The following PLD1 variants were observed in gnomAD, a reference collection of about 807,000 sequenced individuals.
The protein encoded by PLD1 is choline phosphatase 1.
Under a neutral mutation model 137.1 loss-of-function variants are expected in PLD1, and 112 were observed. The observed-to-expected ratio is 0.82, with a 90% confidence interval of 0.70 to 0.96. The LOEUF (loss-of-function observed/expected upper bound fraction) is 0.96, where lower values mean the gene tolerates loss of function less well. Ranked by LOEUF, PLD1 falls within the 40% of genes least tolerant of loss-of-function variation. The pLI is 0.00. For missense variants in PLD1, 1,321 were observed against 1,342.0 expected (o/e 0.98, Z 0.24); for synonymous variants, 431 against 454.7 (o/e 0.95, Z 0.66).
chr3:171,756,073 C>T (rs550064088), intron 1 of PLD1, among the ~76,000 whole-genome samples: 46 of 152,214 alleles, frequency 3.0e-4, no homozygotes, highest in Middle Eastern at 3.2e-3. Context: ...ATATCTCTCC[C>T]ATCTGACCAC....
chr3:171,646,288 G>T (rs1165900639), intron 21 of PLD1, among the ~76,000 whole-genome samples: 1 of 152,290 alleles, frequency 6.6e-6, no homozygotes, highest in Non-Finnish European at 1.5e-5. Context: ...TTTCAAGTCC[G>T]ATCCTACTTA....
chr3:171,735,603 G>C lies in PLD1; in HGVS notation c.323C>G (p.Thr108Arg), dbSNP rs1477353075. The change falls in exon 4 of 27, where the codon ACA (threonine) becomes AGA (arginine). Residue 108 changes from threonine to arginine, a missense_variant. Transcript: ENST00000351298. ...AACTTGCCATTTAAATTCCCCATGT[G>C]TTAATTCAATAGTGTAAAGATTAAT... ...PSINLYTIEL[T>R]HGEFKWQVKR... 1.3e-6 allele frequency: 2 copies of C among 1,549,768 alleles called. No homozygotes were observed. Among genetic ancestry groups the C allele is most frequent in the East Asian group, 4.5e-5 (2 of 44,542 alleles).
At chr3:171,667,140 CA>C (rs2108451586) in intron 19 of PLD1, among the ~76,000 whole-genome samples, 1 of 152,278 alleles carries the variant, frequency 6.6e-6, no homozygotes, top group East Asian at 1.9e-4. Flanking sequence ...AATCATGGAA[CA>C]AAGACTATTT....
intron 1 of PLD1, among the ~76,000 whole-genome samples, chr3:171,741,126 A>G (rs371409467): frequency 5.9e-5 from 9 of 152,342 alleles, no homozygotes; most frequent in Admixed American, 4.6e-4. Flanking sequence ...TGAAAACAAC[A>G]TATCTCAACA....
At position 171,674,319 on chromosome 3, in the gene PLD1, A is replaced by C. The variant is rs532874868; in HGVS notation, c.2229+181T>G. On this transcript the variant is annotated intron_variant, in intron 19 of 26. Transcript: ENST00000351298. ...TTATATTTATAAGAGTTTTAAAAAG[A>C]GACTGAATTGAATCCATTTAACATA... Among the ~76,000 whole-genome samples the C allele has an allele frequency of 3.9e-3, 592 of 152,374 alleles. 2 individuals carry two copies. The highest frequency in any genetic ancestry group is 6.4e-3 in the Non-Finnish European group (434 of 68,032).
At chr3:171,715,511 T>C (rs1214236456) in intron 8 of PLD1, among the ~76,000 whole-genome samples, 1 of 152,176 alleles carries the variant, frequency 6.6e-6, no homozygotes, top group Non-Finnish European at 1.5e-5. Context: ...TGTGAAAATG[T>C]CATTAGTATT....
chr3:171,655,356 ATTT>A (rs1164026564), intron 21 of PLD1, among the ~76,000 whole-genome samples: 6 of 151,938 alleles, frequency 3.9e-5, no homozygotes, highest in Non-Finnish European at 8.8e-5. Context: ...TGTTTCTTTC[ATTT>A]TTTATTTATT....
At chr3:171,650,753 C>T (rs996875944) in intron 21 of PLD1, among the ~76,000 whole-genome samples, 2 of 151,998 alleles carry the variant, frequency 1.3e-5, no homozygotes, top group African/African-American at 2.4e-5. Flanking sequence ...TGTGTATTAG[C>T]CAGGCGTGGT....
intron 1 of PLD1, among the ~76,000 whole-genome samples, chr3:171,774,395 G>A (rs903312785): frequency 2.6e-5 from 4 of 152,176 alleles, no homozygotes; most frequent in Admixed American, 2.6e-4. Flanking sequence ...GGTAAACGGG[G>A]TGGGGGACAT....
intron 1 of PLD1, among the ~76,000 whole-genome samples, chr3:171,753,021 C>T (rs1045724558): frequency 6.6e-6 from 1 of 152,170 alleles, no homozygotes. Flanking sequence ...ACCTCTGTTG[C>T]ACTCTGCTTG....
At chr3:171,795,957 T>C (rs1261273667) in intron 1 of PLD1, among the ~76,000 whole-genome samples, 1 of 152,196 alleles carries the variant, frequency 6.6e-6, no homozygotes, top group East Asian at 1.9e-4. Flanking sequence ...GTTTTGAGAG[T>C]CTACTGAATT....
chr3:171,646,935 G>A (rs1311691614), intron 21 of PLD1, among the ~76,000 whole-genome samples: 1 of 152,194 alleles, frequency 6.6e-6, no homozygotes. Flanking sequence ...TGGGCCTCCA[G>A]TGAATCCCAC....
chr3:171,618,858 C>CAT (rs1553799873), intron 24 of PLD1, among the ~76,000 whole-genome samples: 3 of 135,598 alleles, frequency 2.2e-5, no homozygotes, highest in Non-Finnish European at 5.0e-5. Context: ...AGTGTGTGTG[C>CAT]GTGTGTGTGT....
At chr3:171,625,418 G>A (rs1408087161) in intron 23 of PLD1, among the ~76,000 whole-genome samples, 3 of 152,232 alleles carry the variant, frequency 2.0e-5, no homozygotes, top group Non-Finnish European at 4.4e-5. Context: ...CCCCACCTCT[G>A]GGGGCAGGGC....
intron 8 of PLD1, among the ~76,000 whole-genome samples, chr3:171,719,010 C>G (rs1400247225): frequency 6.6e-6 from 1 of 152,136 alleles, no homozygotes; most frequent in African/African-American, 2.4e-5. Flanking sequence ...CCACTTGAGC[C>G]AGCCCTCCCC....
At chr3:171,687,061 A>G (rs574724136) in intron 15 of PLD1, among the ~76,000 whole-genome samples, 9 of 152,382 alleles carry the variant, frequency 5.9e-5, no homozygotes, top group African/African-American at 1.9e-4. Context: ...AAAAGTTTAT[A>G]AAGTACATCT....
In PLD1 at chr3:171,785,636, A is replaced by G. The variant is rs548808640; in HGVS notation, c.-32+24763T>C. Among the ~76,000 whole-genome samples, 113 of 152,272 alleles carry G rather than the reference A, an allele frequency of 7.4e-4. No individual in the cohort carries two copies. The Middle Eastern group carries it at 0.014, about 18-fold the overall frequency. On this transcript the variant is annotated intron_variant, in intron 1 of 26. Transcript: ENST00000351298. The stretch of plus-strand genomic sequence containing the variant: ...GTATTTTTAGTAGAGACGGGGTTTC[A>G]CCATGTTGTTCAAGCTGGTCTTGAA...
chr3:171,708,875 AAAAG>A, intron 10 of PLD1, 37 bp from the exon 11 acceptor site: 1 of 1,245,482 alleles, frequency 8.0e-7, no homozygotes, highest in East Asian at 2.3e-5. Flanking sequence ...TTGTTATTAA[AAAAG>A]AAAAGAAAAG....
intron 1 of PLD1, among the ~76,000 whole-genome samples, chr3:171,795,600 T>C (rs1560307571): frequency 1.3e-5 from 2 of 152,266 alleles, no homozygotes; most frequent in East Asian, 3.9e-4. Flanking sequence ...AGGCTCCTTA[T>C]CTTAGGAGAA....
Sources: allele counts gnomAD v4.1 joint callset (sites outside exome capture counted in the v4.1 genomes callset), GRCh38; gene constraint gnomAD v4.1.1; transcripts MANE v1.5; gene names NCBI Gene and HGNC (gene_info 2026-07-23, HGNC 2026-07-21).